Variants in PHF24 observed in about 807,000 individuals in gnomAD.
PHF24 encodes PHD finger protein 24, also known as Galpha inhibitory interacting protein.
PHF24 carries 25 observed loss-of-function variants against 42.6 expected under a neutral mutation model. The ratio of observed to expected loss-of-function variants is 0.59; its 90% confidence interval spans 0.43 to 0.82. PHF24 has a LOEUF of 0.82. PHF24 is among the 40% of genes least tolerant of loss of function. The pLI, the probability that PHF24 is intolerant of heterozygous loss-of-function variation, is 0.00. For synonymous variants in PHF24, 185 were observed against 204.8 expected (o/e 0.90, Z 0.83); for missense variants, 470 against 538.1 (o/e 0.87, Z 1.25).
the PHF24 span, chr9:34,725,175 G>T: frequency 1.3e-6 from 2 of 1,535,314 alleles, no homozygotes; most frequent in Admixed American, 2.0e-5. Context: ...ATCTTGCCCT[G>T]GTGGATTTGT....
chr9:34,835,777 A>C, the PHF24 span: 1 of 1,550,678 alleles, frequency 6.4e-7, no homozygotes, highest in African/African-American at 1.4e-5. Context: ...CTGATCTGTT[A>C]ATTGTGACAG....
chr9:34,744,695 A>C, the PHF24 span, among the ~76,000 whole-genome samples: 1 of 152,178 alleles, frequency 6.6e-6, no homozygotes, highest in African/African-American at 2.4e-5. Context: ...ATATGCTGGA[A>C]ATTGTGCACT....
chr9:34,845,987 T>A, the PHF24 span, among the ~76,000 whole-genome samples: 78,061 of 151,820 alleles, frequency 0.51, 21,524 homozygotes, highest in Non-Finnish European at 0.62. Flanking sequence ...ATTTTCTTAA[T>A]CCAGTCTATC....
At chr9:34,696,736 A>G in the PHF24 span, among the ~76,000 whole-genome samples, 1 of 152,240 alleles carries the variant, frequency 6.6e-6, no homozygotes, top group Admixed American at 6.5e-5. Context: ...AGAACTTTGG[A>G]CCTTCAAATC....
chr9:34,767,032 G>A, the PHF24 span, among the ~76,000 whole-genome samples: 1 of 152,158 alleles, frequency 6.6e-6, no homozygotes, highest in South Asian at 2.1e-4. Context: ...CGTGAACCGC[G>A]AATGCTGCTG....
At chr9:34,951,594 T>C in the PHF24 span, among the ~76,000 whole-genome samples, 2 of 152,192 alleles carry the variant, frequency 1.3e-5, no homozygotes, top group South Asian at 2.1e-4. Context: ...GAATGGGTTC[T>C]TCCCAAGAGC....
chr9:34,906,490 C>T, the PHF24 span, among the ~76,000 whole-genome samples: 1 of 152,136 alleles, frequency 6.6e-6, no homozygotes, highest in Non-Finnish European at 1.5e-5. Context: ...TGTGCTTTGA[C>T]ATGGTGCTTC....
chr9:34,764,306 C>G, the PHF24 span, among the ~76,000 whole-genome samples: 46 of 126,462 alleles, frequency 3.6e-4, no homozygotes, highest in African/African-American at 1.3e-3. Context: ...TGGTAGAATT[C>G]GGCTGTGAAT....
the PHF24 span, among the ~76,000 whole-genome samples, chr9:34,862,080 G>A: frequency 1.4e-4 from 22 of 152,112 alleles, no homozygotes; most frequent in African/African-American, 5.3e-4. Flanking sequence ...CGGTGGAAGG[G>A]GCAAGACAGC....
chr9:34,864,329 AGAAGACTT>A, the PHF24 span, among the ~76,000 whole-genome samples: 1 of 152,192 alleles, frequency 6.6e-6, no homozygotes, highest in Non-Finnish European at 1.5e-5. Context: ...TTTAACCCAA[AGAAGACTT>A]CCTCAAGGCA....
chr9:34,700,546 G>A, the PHF24 span, among the ~76,000 whole-genome samples: 2 of 152,118 alleles, frequency 1.3e-5, no homozygotes, highest in African/African-American at 4.8e-5. Flanking sequence ...GAAGAGGAGT[G>A]GGTTTGTGGG....
At chr9:34,812,946 C>A in the PHF24 span, among the ~76,000 whole-genome samples, 1 of 152,170 alleles carries the variant, frequency 6.6e-6, no homozygotes, top group African/African-American at 2.4e-5. Context: ...TTGCCCCATC[C>A]CCCACCTGAC....
the PHF24 span, among the ~76,000 whole-genome samples, chr9:34,746,358 G>T: frequency 6.6e-6 from 1 of 152,148 alleles, no homozygotes; most frequent in Non-Finnish European, 1.5e-5. Flanking sequence ...TATAGTAAGA[G>T]AAAAGAAAAG....
chr9:34,803,371 C>A, the PHF24 span, among the ~76,000 whole-genome samples: 1 of 144,368 alleles, frequency 6.9e-6, no homozygotes, highest in East Asian at 2.0e-4. Flanking sequence ...ATCAGGGAAG[C>A]CATTAATTTG....
chr9:34,810,925 C>T, the PHF24 span, among the ~76,000 whole-genome samples: 2 of 152,048 alleles, frequency 1.3e-5, no homozygotes, highest in Non-Finnish European at 2.9e-5. Flanking sequence ...AGATTTGAGC[C>T]CCTGGGTTTG....
At chr9:34,958,255 G>GCCGCCGCCGCCGCCGCCGCCT (rs772771562), upstream of PHF24, 5 of 152,808 alleles carry the variant, frequency 3.3e-5, no homozygotes, top group African/African-American at 7.4e-5. The surrounding 1 kb of genome is among the most constrained non-coding windows in gnomAD (Gnocchi z 4.5). Context: ...CGCCGCCGCC[G>GCCGCCGCCGCCGCCGCCGCCT]CCTCCTCAGC....
chr9:34,706,983 TAA>T, the PHF24 span, among the ~76,000 whole-genome samples: 2 of 139,956 alleles, frequency 1.4e-5, no homozygotes, highest in Admixed American at 7.2e-5. Flanking sequence ...AAGCAAGCCT[TAA>T]AAAAAAAAAA....
the PHF24 span, among the ~76,000 whole-genome samples, chr9:34,760,140 G>A: frequency 7.2e-5 from 11 of 152,142 alleles, no homozygotes; most frequent in Non-Finnish European, 1.5e-4. Flanking sequence ...GACGCTGGAG[G>A]GCTGCACAAC....
the PHF24 span, among the ~76,000 whole-genome samples, chr9:34,728,972 A>T: frequency 0.19 from 28,982 of 152,150 alleles, 3,636 homozygotes; most frequent in Non-Finnish European, 0.28. Flanking sequence ...CAACCAAAGG[A>T]CTTCTGCTTA....
Sources: allele counts gnomAD v4.1 joint callset (sites outside exome capture counted in the v4.1 genomes callset), GRCh38; gene constraint gnomAD v4.1.1; non-coding constraint Gnocchi (gnomAD v3.1); transcripts MANE v1.5; gene names NCBI Gene and HGNC (gene_info 2026-07-23, HGNC 2026-07-21).